HDAC9: variants seen among roughly 807,000 people sequenced by gnomAD.
The protein encoded by HDAC9 is MEF-2 interacting transcription repressor (MITR) protein.
A neutral mutation model predicts 139.4 loss-of-function variants in HDAC9; 41 were observed. The ratio of observed to expected loss-of-function variants is 0.29; its 90% CI spans 0.23 to 0.38. HDAC9 has a LOEUF of 0.38. Ranked by LOEUF, HDAC9 falls within the 10% of genes least tolerant of loss-of-function variation. The pLI is 1.00. For missense variants in HDAC9, 1,147 were observed against 1,297.0 expected (o/e 0.88, Z 1.78); for synonymous variants, 517 against 476.2 (o/e 1.09, Z -1.12).
chr7:18,602,404 T>G (rs969113019), intron 6 of HDAC9, among the ~76,000 whole-genome samples: 1 of 151,970 alleles, frequency 6.6e-6, no homozygotes, highest in Non-Finnish European at 1.5e-5. Flanking sequence ...AGGACCAGTT[T>G]TTTGTTTTGT....
At chr7:18,405,666 A>G (rs1787939784) in intron 1 of HDAC9, among the ~76,000 whole-genome samples, 1 of 152,018 alleles carries the variant, frequency 6.6e-6, no homozygotes, top group Non-Finnish European at 1.5e-5. Context: ...TTTTCAAGAG[A>G]GAAAAAAAAA....
intron 2 of HDAC9, among the ~76,000 whole-genome samples, chr7:18,243,227 G>C (rs568158649): frequency 3.9e-5 from 6 of 152,304 alleles, no homozygotes; most frequent in Non-Finnish European, 5.9e-5. Flanking sequence ...ATGTTCGATG[G>C]ATGTAAAGAA....
chr7:18,598,300 T>G (rs1307812381), intron 6 of HDAC9, among the ~76,000 whole-genome samples: 1 of 152,232 alleles, frequency 6.6e-6, no homozygotes, highest in Non-Finnish European at 1.5e-5. Context: ...GGAGCATTTT[T>G]ATATAGCTTA....
intron 2 of HDAC9, among the ~76,000 whole-genome samples, chr7:18,549,985 G>C (rs572149871): frequency 6.9e-6 from 1 of 145,652 alleles, no homozygotes; most frequent in Non-Finnish European, 1.5e-5. Flanking sequence ...TACTTTTCTT[G>C]CTTAGGAATG....
chr7:18,634,518 G>T (rs924322231), intron 7 of HDAC9, 109 bp from the exon 8 acceptor site: 15 of 658,362 alleles, frequency 2.3e-5, no homozygotes, highest in Non-Finnish European at 3.4e-5. Flanking sequence ...AATAGTGCTT[G>T]CATTTACATA....
intron 2 of HDAC9, among the ~76,000 whole-genome samples, chr7:18,284,265 AAC>A (rs1797292022): frequency 1.3e-5 from 2 of 152,152 alleles, no homozygotes; most frequent in African/African-American, 2.4e-5. Flanking sequence ...TGGTATTTAC[AAC>A]ACACATATGC....
chr7:18,399,502 A>G (rs2128731923), intron 1 of HDAC9, among the ~76,000 whole-genome samples: 1 of 152,320 alleles, frequency 6.6e-6, no homozygotes, highest in South Asian at 2.1e-4. Context: ...AAGCACAGTA[A>G]AACTCAACTT....
chr7:18,732,810 CACACACGTGTGTATGTGTGCGTATGTGT>C lies in HDAC9; in HGVS notation c.1909+5060_1909+5087del, dbSNP rs1786320747. The stretch of plus-strand genomic sequence containing the variant: ...ACGTGTGTTTGTGTGCGTATGTGTA[CACACACGTGTGTATGTGTGCGTATGTGT>C]ACACACACGTGTGTATGTGTGCGTA... On this transcript the variant is annotated intron_variant, in intron 13 of 25. Coordinates refer to ENST00000686413, the MANE Select transcript of HDAC9 (RefSeq NM_178425.4). Among the ~76,000 whole-genome samples, 15 of 87,782 alleles carry C rather than the reference CACACACGTGTGTATGTGTGCGTATGTGT, an allele frequency of 1.7e-4. 1 individual carries two copies. The highest frequency in any genetic ancestry group is 7.4e-3 in the Middle Eastern group (1 of 136). The allele number at this position is 87,782 out of a possible 152,430, so 57.6% of individuals were successfully genotyped here. A position where few individuals can be genotyped will look rare whatever the true frequency, so the allele number is the denominator to read the frequency against.
At chr7:18,596,026 A>G (rs1258306640) in intron 6 of HDAC9, among the ~76,000 whole-genome samples, 3 of 152,164 alleles carry the variant, frequency 2.0e-5, no homozygotes, top group African/African-American at 7.2e-5. Context: ...AATATGCAAG[A>G]CATTTTCTGT....
At chr7:18,280,962 A>G (rs1797067527) in intron 2 of HDAC9, among the ~76,000 whole-genome samples, 1 of 152,204 alleles carries the variant, frequency 6.6e-6, no homozygotes, top group Non-Finnish European at 1.5e-5. Context: ...TCAGAAGGAA[A>G]AAGAATTAAA....
chr7:18,260,315 T>G (rs917511485), intron 2 of HDAC9, among the ~76,000 whole-genome samples: 5 of 132,612 alleles, frequency 3.8e-5, no homozygotes, highest in Non-Finnish European at 6.5e-5. Flanking sequence ...TTTTTTGTTT[T>G]TTTTTTTGTT....
chr7:18,431,726 A>T (rs1790686981), intron 1 of HDAC9, among the ~76,000 whole-genome samples: 1 of 152,244 alleles, frequency 6.6e-6, no homozygotes, highest in African/African-American at 2.4e-5. Flanking sequence ...TGAGGGACTT[A>T]TATGCTACTT....
At chr7:18,830,093 T>C (rs1795751419) in intron 19 of HDAC9, among the ~76,000 whole-genome samples, 1 of 152,302 alleles carries the variant, frequency 6.6e-6, no homozygotes, top group South Asian at 2.1e-4. Flanking sequence ...AGATTAGTCT[T>C]GTATTTTAAC....
chr7:18,461,113 T>A (rs1030520294), intron 1 of HDAC9, among the ~76,000 whole-genome samples: 4 of 152,162 alleles, frequency 2.6e-5, no homozygotes, highest in African/African-American at 9.7e-5. Context: ...TATGTGTACG[T>A]GTGCATGCGT....
intron 2 of HDAC9, among the ~76,000 whole-genome samples, chr7:18,240,137 T>C (rs1482338348): frequency 6.6e-6 from 1 of 152,056 alleles, no homozygotes; most frequent in African/African-American, 2.4e-5. Flanking sequence ...GCATTTGGGG[T>C]GAATTCTTTA....
chr7:18,115,987 T>C (rs1328238213), intron 1 of HDAC9, among the ~76,000 whole-genome samples: 1 of 152,254 alleles, frequency 6.6e-6, no homozygotes, highest in Admixed American at 6.5e-5. Context: ...TGTATCTCTA[T>C]AGTTTTCTAT....
At chr7:18,398,976 C>T (rs1283411360) in intron 1 of HDAC9, among the ~76,000 whole-genome samples, 2 of 151,984 alleles carry the variant, frequency 1.3e-5, no homozygotes, top group African/African-American at 2.4e-5. Context: ...AAATACCTAA[C>T]ATATTTTATG....
At chr7:18,236,537 G>C (rs1329225670) in intron 2 of HDAC9, among the ~76,000 whole-genome samples, 1 of 152,160 alleles carries the variant, frequency 6.6e-6, no homozygotes, top group Non-Finnish European at 1.5e-5. Context: ...ATTAAGTTCA[G>C]TTTACGGAAA....
At chr7:18,424,615 A>G (rs1306284128) in intron 1 of HDAC9, among the ~76,000 whole-genome samples, 3 of 152,354 alleles carry the variant, frequency 2.0e-5, no homozygotes, top group Non-Finnish European at 4.4e-5. Context: ...TTAGGTTTTA[A>G]TAATTAAAAT....
Sources: gnomAD v4.1 joint callset for allele counts (sites outside exome capture counted in the v4.1 genomes callset) on GRCh38, gnomAD v4.1.1 for gene constraint, MANE v1.5 for transcripts, NCBI Gene and HGNC (gene_info 2026-07-23, HGNC 2026-07-21) for gene names.